The following LPGAT1 variants were observed in gnomAD, a reference collection of about 807,000 sequenced individuals.
LPGAT1 encodes the protein acyl-CoA:lysophosphatidylglycerol acyltransferase 1.
In LPGAT1, 11 loss-of-function variants were observed where a neutral mutation model predicts 47.5. That is an observed-to-expected ratio of 0.23 (90% CI 0.15 to 0.38). The LOEUF is 0.38. LPGAT1 is among the 10% of genes least tolerant of loss of function. LPGAT1 has a pLI of 1.00. For synonymous variants in LPGAT1, 138 were observed against 144.2 expected (o/e 0.96, Z 0.31); for missense variants, 293 against 439.0 (o/e 0.67, Z 2.97).
chr1:211,825,688 C>T (rs1010344091), intron 2 of LPGAT1, among the ~76,000 whole-genome samples: 27 of 152,194 alleles, frequency 1.8e-4, no homozygotes, highest in South Asian at 6.2e-4. Flanking sequence ...AGGCCAGGGG[C>T]GATGGCTCAC....
chr1:211,762,923 T>C (rs918572746), intron 6 of LPGAT1, among the ~76,000 whole-genome samples: 2 of 152,196 alleles, frequency 1.3e-5, no homozygotes, highest in African/African-American at 2.4e-5. Context: ...TATGTCAAGA[T>C]TGTGTAAGGA....
Position 211,749,279 on chromosome 1 carries a change from C to T in LPGAT1, c.*620G>A, listed in dbSNP as rs1657074470. 6.5e-6 allele frequency: 1 copy of T among 153,184 alleles called. No individual in the cohort carries two copies. Among genetic ancestry groups the T allele is most frequent in the Admixed American group, 6.5e-5 (1 of 15,272 alleles). 9.5% of individuals were successfully genotyped at this position (153,184 alleles called of 1,614,324 possible). A position where few individuals can be genotyped will look rare whatever the true frequency, so the allele number is the denominator to read the frequency against. On this transcript the variant is annotated 3_prime_UTR_variant, in exon 8 of 8. Transcript: ENST00000366997. ...AAACACAGTGTTGGACTGAGCTAGC[C>T]TTTGTAAAGAACACATCCAGTACCA...
intron 2 of LPGAT1, among the ~76,000 whole-genome samples, chr1:211,817,601 A>G (rs1274434281): frequency 6.6e-6 from 1 of 152,050 alleles, no homozygotes; most frequent in Non-Finnish European, 1.5e-5. Flanking sequence ...AGAATTTTTA[A>G]TAATCTAGAT....
intron 1 of LPGAT1, chr1:211,829,572 AAC>A: frequency 7.6e-7 from 1 of 1,319,642 alleles, no homozygotes; most frequent in Non-Finnish European, 9.7e-7. Flanking sequence ...AGCAAATGAT[AAC>A]ACAATTCCCA....
Position 211,830,714 on chromosome 1 carries a change from G to T in LPGAT1, c.-169C>A. On this transcript the variant is annotated 5_prime_UTR_variant, in exon 1 of 8. Transcript: ENST00000366997. The surrounding 1 kb of genome is among the most constrained non-coding windows in gnomAD (Gnocchi z 5.9). ...GTGGCGCGGCCCGCGCCCGTTCCCCGGCGGCGCCGAGACTCGGTCCCCAAG... is the reference window on the plus strand; with the variant it reads ...GTGGCGCGGCCCGCGCCCGTTCCCCTGCGGCGCCGAGACTCGGTCCCCAAG... 8.5e-7 allele frequency: 1 copy of T among 1,179,190 alleles called. No individual in the cohort carries two copies. The highest frequency in any genetic ancestry group is 4.3e-5 in the South Asian group (1 of 23,422). 73.0% of individuals were successfully genotyped at this position (1,179,190 alleles called of 1,614,324 possible).
chr1:211,830,377 C>T lies in LPGAT1; in HGVS notation c.-28+196G>A, dbSNP rs1304006797. On this transcript the variant is annotated intron_variant, in intron 1 of 7. Coordinates refer to ENST00000366997, the MANE Select transcript of LPGAT1 (RefSeq NM_014873.3). The surrounding 1 kb of genome is among the most constrained non-coding windows in gnomAD (Gnocchi z 5.9). ...GGACTCAGAGGCCGGACCTGTCACC[C>T]GGGCGGGTCCCGGGGAGGCGGGCGG... 9 of 1,166,858 alleles carry T rather than the reference C, an allele frequency of 7.7e-6. No individual in the cohort carries two copies. The East Asian group carries it at 3.5e-4, about 45-fold the overall frequency. The allele number at this position is 1,166,858 out of a possible 1,614,324, so 72.3% of individuals were successfully genotyped here.
intron 2 of LPGAT1, among the ~76,000 whole-genome samples, chr1:211,809,639 A>C (rs1659895700): frequency 6.6e-6 from 1 of 152,124 alleles, no homozygotes; most frequent in Admixed American, 6.5e-5. Context: ...ATAGTGAATA[A>C]GTCTCACGAG....
chr1:211,776,329 G>C (rs1314817532), intron 6 of LPGAT1, among the ~76,000 whole-genome samples: 2 of 152,116 alleles, frequency 1.3e-5, no homozygotes, highest in African/African-American at 2.4e-5. Context: ...TTGAGGTCAG[G>C]AGTTCGAGAC....
rs1166241578 is a variant in LPGAT1 at position 211,750,986 on chromosome 1, G to T, written c.936C>A (p.Asp312Glu). 2 of 1,613,030 alleles carry T rather than the reference G, an allele frequency of 1.2e-6. No homozygotes were observed. The highest frequency in any genetic ancestry group is 4.5e-5 in the East Asian group (2 of 44,856). Residue 312 changes from aspartate to glutamate, a missense_variant, in exon 7 of 8, where the codon GAC (aspartate) becomes GAA (glutamate). By Grantham distance (45) the Asp-to-Glu change is conservative. Transcript: ENST00000366997. The stretch of plus-strand genomic sequence containing the variant: ...CTGTTTCATAAAAATGTGATAAGAG[G>T]TCTTCTTTTTCAACAAACCGCTGAT... ...WLYQRFVEKE[D>E]LLSHFYETGA...
intron 2 of LPGAT1, among the ~76,000 whole-genome samples, chr1:211,821,977 AAC>A (rs1660380962): frequency 1.3e-5 from 2 of 152,244 alleles, no homozygotes; most frequent in African/African-American, 2.4e-5. Context: ...AACTCATATT[AAC>A]AGAGATTTTC....
chr1:211,795,985 T>A (rs1659335266), intron 2 of LPGAT1, among the ~76,000 whole-genome samples: 1 of 152,142 alleles, frequency 6.6e-6, no homozygotes, highest in South Asian at 2.1e-4. Flanking sequence ...TTTCTGGCTC[T>A]CCATCTGTAT....
chr1:211,808,524 A>AAGCT (rs1421239353), intron 2 of LPGAT1, among the ~76,000 whole-genome samples: 7 of 152,202 alleles, frequency 4.6e-5, no homozygotes, highest in Non-Finnish European at 1.0e-4. Context: ...AAAACATGAC[A>AAGCT]AGCTACCTTT....
At position 211,830,455 on chromosome 1, in the gene LPGAT1, G is replaced by A. The variant is rs927395994; in HGVS notation, c.-28+118C>T. 2 of 1,179,898 alleles carry A rather than the reference G, an allele frequency of 1.7e-6. No homozygotes were observed. Among genetic ancestry groups the A allele is most frequent in the Non-Finnish European group, 2.1e-6 (2 of 952,484 alleles). 73.1% of individuals were successfully genotyped at this position (1,179,898 alleles called of 1,614,324 possible). A position where few individuals can be genotyped will look rare whatever the true frequency, so the allele number is the denominator to read the frequency against. On this transcript the variant is annotated intron_variant, in intron 1 of 7. Transcript: ENST00000366997. This position sits in a 1 kb window ranked among gnomAD's most constrained non-coding sequence, Gnocchi z 5.9. ...GGGCCTACCGCGCCCTCGTCCCTCA[G>A]GCCGCTGCCGCCTCCCCGGGCCACG...
In LPGAT1 at chr1:211,749,981, A is replaced by G. The variant is rs1442033646; in HGVS notation, c.1031T>C (p.Ile344Thr). The change falls in exon 8 of 8, where the codon ATA becomes ACA. Residue 344 changes from isoleucine to threonine, a missense_variant. Physicochemically the swap from Ile to Thr is moderately conservative, Grantham distance 89. Transcript: ENST00000366997. The part of the protein sequence containing the change: ...SREMTLSNLW[I>T]FLIQSFAFLS... The stretch of plus-strand genomic sequence containing the variant: ...AAATGCAAAAGACTGTATGAGAAAT[A>G]TCCACAAGTTGCTGAGGGTCATCTC... The G allele has an allele frequency of 6.2e-7, 1 of 1,614,040 alleles. No homozygotes were observed. Among genetic ancestry groups the G allele is most frequent in the Non-Finnish European group, 8.5e-7 (1 of 1,179,976 alleles).
intron 2 of LPGAT1, among the ~76,000 whole-genome samples, chr1:211,814,712 C>G (rs535064120): frequency 1.3e-5 from 2 of 152,268 alleles, no homozygotes; most frequent in South Asian, 4.1e-4. Context: ...TCCCTTGACC[C>G]TATATCACTC....
chr1:211,764,691 T>TTAC (rs1169843717), intron 6 of LPGAT1, among the ~76,000 whole-genome samples: 1 of 152,232 alleles, frequency 6.6e-6, no homozygotes, highest in Non-Finnish European at 1.5e-5. Flanking sequence ...AATCACTCAG[T>TTAC]TATCTGAAAA....
At chr1:211,811,087 C>A (rs1028997959) in intron 2 of LPGAT1, among the ~76,000 whole-genome samples, 1 of 152,118 alleles carries the variant, frequency 6.6e-6, no homozygotes, top group African/African-American at 2.4e-5. Flanking sequence ...GAAACACAGA[C>A]CCAGGCTACC....
At chr1:211,780,713 G>A (rs1658606070) in intron 5 of LPGAT1, among the ~76,000 whole-genome samples, 1 of 152,090 alleles carries the variant, frequency 6.6e-6, no homozygotes, top group South Asian at 2.1e-4. Flanking sequence ...ACTTTACCAA[G>A]CTACCAATGA....
chr1:211,810,313 T>C (rs1324414951), intron 2 of LPGAT1, among the ~76,000 whole-genome samples: 3 of 152,144 alleles, frequency 2.0e-5, no homozygotes, highest in Admixed American at 6.5e-5. Flanking sequence ...ATTAATGCAA[T>C]TCAAGAGAAA....
Sources: allele counts gnomAD v4.1 joint callset (sites outside exome capture counted in the v4.1 genomes callset), GRCh38; gene constraint gnomAD v4.1.1; non-coding constraint Gnocchi (gnomAD v3.1); transcripts MANE v1.5; gene names NCBI Gene and HGNC (gene_info 2026-07-23, HGNC 2026-07-21).